The following PEAK1 variants were observed in gnomAD, a reference collection of about 807,000 sequenced individuals.
The protein encoded by PEAK1 is pseudopodium enriched atypical kinase 1.
In PEAK1, 54 loss-of-function variants were observed where a neutral mutation model predicts 124.7. The observed-to-expected ratio is 0.43, with a 90% CI of 0.35 to 0.54. The LOEUF is 0.54. Among genes scored for constraint, PEAK1 ranks in the 20% least tolerant of loss-of-function variants. The pLI is 0.01. For synonymous variants in PEAK1, 719 were observed against 760.0 expected, an observed-to-expected ratio of 0.95 and a Z score of 0.89; for missense variants, 2,046 against 2,134.5, an observed-to-expected ratio of 0.96 and a Z score of 0.82.
intron 2 of PEAK1, chr15:77,337,547 T>C (rs926432056): frequency 1.0e-6 from 1 of 984,980 alleles, no homozygotes; most frequent in Non-Finnish European, 1.2e-6. Flanking sequence ...TAAGATGTAG[T>C]CTGGCAGAGA....
At chr15:77,190,662 A>C (rs746082694) in intron 6 of PEAK1, among the ~76,000 whole-genome samples, 9 of 152,228 alleles carry the variant, frequency 5.9e-5, no homozygotes, top group Non-Finnish European at 1.0e-4. Flanking sequence ...TAATGAGAAA[A>C]GAAAGGCTCA....
intron 2 of PEAK1, among the ~76,000 whole-genome samples, chr15:77,308,815 A>G (rs936768628): frequency 1.3e-5 from 2 of 152,056 alleles, no homozygotes; most frequent in Non-Finnish European, 2.9e-5. Flanking sequence ...CAAATGTTAC[A>G]ATGAGGGAGA....
chr15:77,397,476 A>T (rs569058559), intron 1 of PEAK1, among the ~76,000 whole-genome samples: 97 of 149,830 alleles, frequency 6.5e-4, no homozygotes, highest in Non-Finnish European at 1.3e-3. Flanking sequence ...TAAATAAAAT[A>T]GAAACAAAAA....
intron 6 of PEAK1, among the ~76,000 whole-genome samples, chr15:77,245,986 G>A (rs973317495): frequency 2.0e-5 from 3 of 150,534 alleles, no homozygotes; most frequent in Admixed American, 6.6e-5. Flanking sequence ...TCAGCCTGTC[G>A]ACTCCTATAA....
intron 1 of PEAK1, among the ~76,000 whole-genome samples, chr15:77,410,034 G>A (rs758166586): frequency 4.6e-5 from 7 of 151,284 alleles, no homozygotes; most frequent in African/African-American, 1.2e-4. Flanking sequence ...GACAGTAATC[G>A]TGGTTTTTTT....
At chr15:77,352,930 T>C (rs1343107772) in intron 2 of PEAK1, 3 of 985,390 alleles carry the variant, frequency 3.0e-6, no homozygotes, top group Non-Finnish European at 2.4e-6. Flanking sequence ...AATGAGCTAA[T>C]GTATTGTACT....
In PEAK1 at chr15:77,180,699, G is replaced by A; in HGVS notation, c.1228C>T (p.Pro410Ser). ...SQASKSSIKV[P>S]ETHKAVLALR... ...GCAAGGACTGCTTTGTGGGTCTCTG[G>A]AACTTTTATTGAGCTTTTGGAAGCC... Residue 410 changes from proline to serine, a missense_variant, in exon 7 of 10, where the codon CCA (proline) becomes TCA (serine). By Grantham distance (74) the Pro-to-Ser change is moderately conservative. Transcript: ENST00000682557. 6.2e-7 allele frequency: 1 copy of A among 1,613,970 alleles called. No homozygotes were observed. Among genetic ancestry groups the A allele is most frequent in the Non-Finnish European group, 8.5e-7 (1 of 1,179,984 alleles).
chr15:77,350,321 G>C, intron 2 of PEAK1: 1 of 985,392 alleles, frequency 1.0e-6, no homozygotes, highest in Non-Finnish European at 1.2e-6. Flanking sequence ...CAGCACTCTT[G>C]AAATAGTCAT....
At chr15:77,263,671 A>G (rs996599245) in intron 5 of PEAK1, among the ~76,000 whole-genome samples, 30 of 152,132 alleles carry the variant, frequency 2.0e-4, no homozygotes, top group African/African-American at 4.3e-4. Flanking sequence ...AATTCTACTA[A>G]AGGTACAAGG....
At chr15:77,335,554 A>C in intron 2 of PEAK1, 4 of 924,536 alleles carry the variant, frequency 4.3e-6, no homozygotes, top group Non-Finnish European at 3.9e-6. Context: ...ATCATAGCTC[A>C]CTGCAGCCAT....
chr15:77,198,617 CT>C (rs1281778428), intron 6 of PEAK1, among the ~76,000 whole-genome samples: 1 of 152,074 alleles, frequency 6.6e-6, no homozygotes, highest in Non-Finnish European at 1.5e-5. Context: ...TGAGAAATAC[CT>C]TTTTGTATCA....
chr15:77,202,310 AC>A (rs1397057624), intron 6 of PEAK1, among the ~76,000 whole-genome samples: 8 of 152,148 alleles, frequency 5.3e-5, no homozygotes, highest in Non-Finnish European at 8.8e-5. Flanking sequence ...TCTGCATATA[AC>A]TTTTGACTAC....
At chr15:77,342,118 C>G (rs1039860494) in intron 2 of PEAK1, among the ~76,000 whole-genome samples, 52 of 146,324 alleles carry the variant, frequency 3.6e-4, no homozygotes, top group African/African-American at 1.3e-3. Context: ...ATTTAATGAA[C>G]AGTTATTGAA....
intron 2 of PEAK1, chr15:77,348,757 A>G (rs1429896834): frequency 9.1e-6 from 9 of 984,710 alleles, no homozygotes; most frequent in African/African-American, 1.8e-5. Flanking sequence ...AACTGTGACT[A>G]AAACCCGATG....
At chr15:77,408,464 C>T (rs868803798) in intron 1 of PEAK1, among the ~76,000 whole-genome samples, 1 of 151,906 alleles carries the variant, frequency 6.6e-6, no homozygotes, top group Non-Finnish European at 1.5e-5. Context: ...CACCAAAAAT[C>T]TCAGAAATCA....
At chr15:77,176,139 T>C (rs1303822708) in intron 7 of PEAK1, among the ~76,000 whole-genome samples, 2 of 151,332 alleles carry the variant, frequency 1.3e-5, no homozygotes, top group Non-Finnish European at 2.9e-5. Context: ...CATTAGGAGA[T>C]ATACCTAATG....
intron 2 of PEAK1, among the ~76,000 whole-genome samples, chr15:77,344,329 C>G (rs190905119): frequency 6.6e-6 from 1 of 152,056 alleles, no homozygotes; most frequent in Non-Finnish European, 1.5e-5. Context: ...CTCCTGATCT[C>G]GTGATCCACC....
intron 2 of PEAK1, chr15:77,350,949 T>C (rs1204733762): frequency 3.0e-6 from 3 of 985,022 alleles, no homozygotes; most frequent in Non-Finnish European, 3.6e-6. Context: ...AGCACTCCAT[T>C]AATTACACTC....
rs111616351 is a variant in PEAK1, at chr15:77,231,469, T to C, written c.-115+20898A>G. On this transcript the variant is annotated intron_variant, in intron 6 of 9. Coordinates refer to ENST00000682557, the MANE Select transcript of PEAK1 (RefSeq NM_001385026.1). ...GCAAGCAAAGGGAAGTAGCTAAAAT[T>C]AGACAAAAGTTTTACTGAGAACAAG... Among the ~76,000 whole-genome samples, 1,303 of 152,216 alleles carry C rather than the reference T, an allele frequency of 8.6e-3. 19 individuals carry two copies. The highest frequency in any genetic ancestry group is 0.03 in the African/African-American group (1,244 of 41,550).
Sources: allele counts gnomAD v4.1 joint callset (sites outside exome capture counted in the v4.1 genomes callset), GRCh38; gene constraint gnomAD v4.1.1; transcripts MANE v1.5; gene names NCBI Gene and HGNC (gene_info 2026-07-23, HGNC 2026-07-21).